ATL3: variants seen among roughly 807,000 people sequenced by gnomAD.
The protein encoded by ATL3 is atlastin GTPase 3.
Under a neutral mutation model 69.5 loss-of-function variants are expected in ATL3, and 49 were observed. The observed-to-expected ratio is 0.71, with a 90% CI of 0.56 to 0.89. The LOEUF is 0.89. Ranked by LOEUF, ATL3 falls within the 40% of genes least tolerant of loss-of-function variation. ATL3 has a pLI of 0.00. For synonymous variants in ATL3, 214 were observed against 224.1 expected (o/e 0.95, Z 0.40); for missense variants, 606 against 645.7 (o/e 0.94, Z 0.67).
chr11:63,652,070 T>C lies in ATL3; in HGVS notation c.511-84A>G, dbSNP rs553867064. On this transcript the variant is annotated intron_variant, in intron 4 of 12. Coordinates refer to ENST00000398868, the MANE Select transcript of ATL3 (RefSeq NM_015459.5). ...AAGCCTAAAGGGCTGACAGAAGCTT[T>C]GAACAATTAAAGACTTGCATATAAG... The C allele has an allele frequency of 3.9e-6, 6 of 1,526,998 alleles. No individual in the cohort carries two copies. In the Admixed American group the frequency reaches 1.5e-4, roughly 38 times the overall value. The allele number at this position is 1,526,998 out of a possible 1,614,324, so 94.6% of individuals were successfully genotyped here.
chr11:63,661,084 G>A (rs1389532823), intron 1 of ATL3, among the ~76,000 whole-genome samples: 1 of 151,628 alleles, frequency 6.6e-6, no homozygotes, highest in Non-Finnish European at 1.5e-5. Flanking sequence ...TTAGCCATGC[G>A]TGGTGTCGCA....
At chr11:63,652,443 G>A (rs1198388546) in intron 4 of ATL3, 28 bp downstream of exon 4, 3 of 1,389,430 alleles carry the variant, frequency 2.2e-6, no homozygotes, top group Non-Finnish European at 2.9e-6. Flanking sequence ...TCCTTTGCGA[G>A]CTTTTTTCTG....
chr11:63,658,282 T>C (rs1940319852), intron 3 of ATL3, among the ~76,000 whole-genome samples: 1 of 152,210 alleles, frequency 6.6e-6, no homozygotes, highest in African/African-American at 2.4e-5. Flanking sequence ...CCCACAAAAA[T>C]AGTGTGTGAA....
rs954748443 is a variant in ATL3 at position 63,632,141 on chromosome 11, G to A, written c.1108-670C>T. On this transcript the variant is annotated intron_variant, in intron 11 of 12. Transcript: ENST00000398868. ...AGACATGCTTTAATTTTTTTTTTCT[G>A]GAAGCCCTGCGACTTCCCTAAAAAT... 7.9e-6 allele frequency: 3 copies of A among 379,200 alleles called. No individual in the cohort carries two copies. The East Asian group carries it at 1.7e-4, about 21-fold the overall frequency. 23.5% of individuals were successfully genotyped at this position (379,200 alleles called of 1,614,324 possible).
At chr11:63,634,414 G>GGA (rs1326298185) in intron 10 of ATL3, among the ~76,000 whole-genome samples, 5 of 151,864 alleles carry the variant, frequency 3.3e-5, no homozygotes, top group African/African-American at 1.2e-4. Context: ...GGCTGAGGCA[G>GGA]GAGAATGGCG....
At position 63,671,185 on chromosome 11, in the gene ATL3, G is replaced by A. The variant is rs990286803; in HGVS notation, c.46+105C>T. Reference sequence around the variant, plus strand: ...GCGAGGGACGCGCGGTCCCAGCCCCGGGACGAGGAAGGGCGGCGGCGCGGG... The same window carrying A: ...GCGAGGGACGCGCGGTCCCAGCCCCAGGACGAGGAAGGGCGGCGGCGCGGG... On this transcript the variant is annotated intron_variant, in intron 1 of 12. Coordinates refer to ENST00000398868, the MANE Select transcript of ATL3 (RefSeq NM_015459.5). 14 of 1,446,908 alleles carry A rather than the reference G, an allele frequency of 9.7e-6. No individual in the cohort carries two copies. The African/African-American group carries it at 1.5e-4, about 15-fold the overall frequency. The allele number at this position is 1,446,908 out of a possible 1,614,324, so 89.6% of individuals were successfully genotyped here. A position where few individuals can be genotyped will look rare whatever the true frequency, so the allele number is the denominator to read the frequency against.
chr11:63,647,828 G>T lies in ATL3; in HGVS notation c.562-1265C>A, dbSNP rs1297848310. Among the ~76,000 whole-genome samples the T allele has an allele frequency of 2.0e-5, 3 of 152,314 alleles. No homozygotes were observed. The South Asian group carries it at 6.2e-4, about 32-fold the overall frequency. ...GAAAAGCCCTGTCAAAAACATTCTGGATGGAAAATAGACAAATGAGAACTG... is the reference window on the plus strand; with the variant it reads ...GAAAAGCCCTGTCAAAAACATTCTGTATGGAAAATAGACAAATGAGAACTG... On this transcript the variant is annotated intron_variant, in intron 5 of 12. Transcript: ENST00000398868.
chr11:63,624,112 AATG>A lies in ATL3; in HGVS notation c.*5204_*5206del, dbSNP rs1408873362. ...TGGTGTTGTGATCTTTATTCCATTA[AATG>A]ATCTTACAAATTGGAGTAAAACAGA... On this transcript the variant is annotated 3_prime_UTR_variant, in exon 13 of 13. Coordinates refer to ENST00000398868, the MANE Select transcript of ATL3 (RefSeq NM_015459.5). 2.6e-5 allele frequency: 4 copies of A among 152,240 alleles called. No individual in the cohort carries two copies. The highest frequency in any genetic ancestry group is 9.6e-5 in the African/African-American group (4 of 41,470). The allele number at this position is 152,240 out of a possible 1,614,324, so 9.4% of individuals were successfully genotyped here.
chr11:63,634,744 G>A (rs1359113534), intron 10 of ATL3, among the ~76,000 whole-genome samples: 1 of 152,118 alleles, frequency 6.6e-6, no homozygotes, highest in East Asian at 1.9e-4. Context: ...AACAGGTCAG[G>A]CACAGTGGCT....
intron 8 of ATL3, among the ~76,000 whole-genome samples, chr11:63,641,910 A>C (rs1052467901): frequency 6.6e-6 from 1 of 152,246 alleles, no homozygotes; most frequent in Non-Finnish European, 1.5e-5. Flanking sequence ...GTGTGTGTTT[A>C]TACTGGATAA....
intron 1 of ATL3, among the ~76,000 whole-genome samples, chr11:63,659,700 C>G (rs1281281885): frequency 6.6e-6 from 1 of 152,020 alleles, no homozygotes; most frequent in African/African-American, 2.4e-5. Flanking sequence ...TTTGGGAAGC[C>G]GAGGTGGGTG....
In ATL3 at chr11:63,635,609, A is replaced by G; in HGVS notation, c.979-19T>C. The G allele has an allele frequency of 1.9e-6, 3 of 1,544,764 alleles. No individual in the cohort carries two copies. Among genetic ancestry groups the G allele is most frequent in the Non-Finnish European group, 2.7e-6 (3 of 1,120,210 alleles). Reference sequence around the variant, plus strand: ...TATATGCCTTAAAATATAAACATAAAAACTGCTATAAAATGTTATTCAGTC... The same window carrying G: ...TATATGCCTTAAAATATAAACATAAGAACTGCTATAAAATGTTATTCAGTC... On this transcript the variant is annotated intron_variant, in intron 9 of 12. Transcript: ENST00000398868.
intron 11 of ATL3, 40 bp from the exon 12 acceptor site, chr11:63,631,511 C>A: frequency 6.7e-7 from 1 of 1,500,032 alleles, no homozygotes; most frequent in South Asian, 1.3e-5. Context: ...AAGATCTCTT[C>A]AAAAACAAGT....
intron 5 of ATL3, among the ~76,000 whole-genome samples, chr11:63,650,226 C>T (rs2134503438): frequency 1.3e-5 from 2 of 152,190 alleles, no homozygotes; most frequent in South Asian, 4.1e-4. Flanking sequence ...GCAATAAATA[C>T]ACGTTGGCTA....
In ATL3 at chr11:63,625,648, TTG is replaced by T. The variant is rs1056746720; in HGVS notation, c.*3669_*3670del. On this transcript the variant is annotated 3_prime_UTR_variant, in exon 13 of 13. Transcript: ENST00000398868. ...CAACCACCAGTACAAGGCAGTATTT[TTG>T]TGTGTTTGACCAAAGCGCTTTACTT... The T allele has an allele frequency of 2.0e-5, 3 of 152,286 alleles. No individual in the cohort carries two copies. Among genetic ancestry groups the T allele is most frequent in the South Asian group, 2.1e-4 (1 of 4,832 alleles). 9.4% of individuals were successfully genotyped at this position (152,286 alleles called of 1,614,324 possible).
At chr11:63,639,058 C>T (rs1449494218) in intron 8 of ATL3, among the ~76,000 whole-genome samples, 1 of 152,184 alleles carries the variant, frequency 6.6e-6, no homozygotes, top group Non-Finnish European at 1.5e-5. Context: ...AACCATGGAA[C>T]TGCACAAGTA....
chr11:63,671,337 G>T lies in ATL3; in HGVS notation c.-2C>A. On this transcript the variant is annotated 5_prime_UTR_variant, in exon 1 of 13. Coordinates refer to ENST00000398868, the MANE Select transcript of ATL3 (RefSeq NM_015459.5). ...TGCCACTCGCTGAGGGGACAACATG[G>T]AGCCTCCGCCTTCAAAGCAGAAGCA... 6.3e-7 allele frequency: 1 copy of T among 1,583,040 alleles called. No homozygotes were observed. The highest frequency in any genetic ancestry group is 8.6e-7 in the Non-Finnish European group (1 of 1,166,846).
intron 1 of ATL3, 55 bp downstream of exon 1, chr11:63,671,235 C>T: frequency 1.3e-6 from 2 of 1,533,554 alleles, no homozygotes; most frequent in South Asian, 1.2e-5. Context: ...AGAACTACAG[C>T]AGGGAAGGCG....
rs1381507739 is a variant in ATL3 at position 63,625,324 on chromosome 11, A to C, written c.*3995T>G. 1.3e-5 allele frequency: 2 copies of C among 152,226 alleles called. No homozygotes were observed. The highest frequency in any genetic ancestry group is 4.8e-5 in the African/African-American group (2 of 41,466). The allele number at this position is 152,226 out of a possible 1,614,324, so 9.4% of individuals were successfully genotyped here. A position where few individuals can be genotyped will look rare whatever the true frequency, so the allele number is the denominator to read the frequency against. ...GTTGACAACTTGAGATGGAAGATCA[A>C]ATCATCCTAAATTACATTTCAATAG... On this transcript the variant is annotated 3_prime_UTR_variant, in exon 13 of 13. Coordinates refer to ENST00000398868, the MANE Select transcript of ATL3 (RefSeq NM_015459.5).
Sources: allele counts gnomAD v4.1 joint callset (sites outside exome capture counted in the v4.1 genomes callset), GRCh38; gene constraint gnomAD v4.1.1; transcripts MANE v1.5; gene names NCBI Gene and HGNC (gene_info 2026-07-23, HGNC 2026-07-21).